Variants in KIF26B observed in about 807,000 individuals in gnomAD.
KIF26B encodes kinesin family member 26B, also known as kinesin-like protein KIF26B.
Under a neutral mutation model 151.2 loss-of-function variants are expected in KIF26B, and 63 were observed. That is an observed-to-expected ratio of 0.42 (90% CI 0.34 to 0.51). The LOEUF (loss-of-function observed/expected upper bound fraction) is 0.51. Among genes scored for constraint, KIF26B ranks in the 20% least tolerant of loss-of-function variants. The probability of loss-of-function intolerance (pLI) is 0.07; values close to 1 mark genes in which losing one functional copy is unlikely to be tolerated. For missense variants in KIF26B, 2,813 were observed against 2,913.6 expected (o/e 0.97, Z 0.79); for synonymous variants, 1,357 against 1,262.1 (o/e 1.08, Z -1.59).
chr1:245,542,971 G>A (rs566491553), intron 5 of KIF26B, among the ~76,000 whole-genome samples: 66 of 152,274 alleles, frequency 4.3e-4, no homozygotes, highest in African/African-American at 1.6e-3. Flanking sequence ...TCCTTGAAAA[G>A]GTGCCAGATG....
rs146425861 is a variant in KIF26B at position 245,488,192 on chromosome 1, G to T, written c.1167-52575G>T. On this transcript the variant is annotated intron_variant, in intron 4 of 14. Coordinates refer to ENST00000407071, the MANE Select transcript of KIF26B (RefSeq NM_018012.4). The surrounding 1 kb of genome is among the most constrained non-coding windows in gnomAD (Gnocchi z 4.6). The stretch of plus-strand genomic sequence containing the variant: ...CCATCTTGGCCTCCCAAAGCACTGA[G>T]ATTACCAGCGTGAGCCACCACACTG... Among the ~76,000 whole-genome samples, 2 of 152,106 alleles carry T rather than the reference G, an allele frequency of 1.3e-5. No individual in the cohort carries two copies. Among genetic ancestry groups the T allele is most frequent in the Non-Finnish European group, 2.9e-5 (2 of 68,026 alleles).
intron 3 of KIF26B, among the ~76,000 whole-genome samples, chr1:245,388,815 C>T (rs975170878): frequency 1.3e-5 from 2 of 152,188 alleles, no homozygotes; most frequent in African/African-American, 2.4e-5. Flanking sequence ...TGGGTTGTTT[C>T]TGAACACTGG....
intron 4 of KIF26B, among the ~76,000 whole-genome samples, chr1:245,424,559 T>C: frequency 6.6e-6 from 1 of 152,236 alleles, no homozygotes; most frequent in Admixed American, 6.5e-5. Flanking sequence ...GTGAACCTTG[T>C]TACATTTCAA....
At chr1:245,683,639 T>C (rs940155517) in intron 10 of KIF26B, among the ~76,000 whole-genome samples, 5 of 152,168 alleles carry the variant, frequency 3.3e-5, no homozygotes, top group Non-Finnish European at 7.3e-5. Context: ...TCTCTCTGTG[T>C]TTCTCCCCTA....
At chr1:245,392,225 C>G (rs1413311981) in intron 3 of KIF26B, among the ~76,000 whole-genome samples, 1 of 152,194 alleles carries the variant, frequency 6.6e-6, no homozygotes, top group African/African-American at 2.4e-5. Flanking sequence ...TTCGCCACCA[C>G]CCACCCCAAT....
At chr1:245,435,579 G>A (rs1200064476) in intron 4 of KIF26B, among the ~76,000 whole-genome samples, 4 of 152,140 alleles carry the variant, frequency 2.6e-5, no homozygotes, top group Non-Finnish European at 2.9e-5. Flanking sequence ...CCAGGCTGGC[G>A]CATGATAAAC....
At chr1:245,339,421 C>T (rs183705776) in intron 2 of KIF26B, among the ~76,000 whole-genome samples, 2 of 152,300 alleles carry the variant, frequency 1.3e-5, no homozygotes, top group South Asian at 2.1e-4. Context: ...CTTTGATAGC[C>T]TCCTTGCACA....
rs1312718651 is a variant in KIF26B, at chr1:245,607,632, C to A, written c.1558-19C>A. The A allele has an allele frequency of 6.3e-7, 1 of 1,591,416 alleles. No individual in the cohort carries two copies. Among genetic ancestry groups the A allele is most frequent in the Non-Finnish European group, 8.6e-7 (1 of 1,168,050 alleles). ...TGCGAGGTCCATTCACGGCTCGTGT[C>A]TCCTCTTGTGTCTGACAGGCTGAAG... On this transcript the variant is annotated intron_variant, in intron 6 of 14. Coordinates refer to ENST00000407071, the MANE Select transcript of KIF26B (RefSeq NM_018012.4).
intron 5 of KIF26B, among the ~76,000 whole-genome samples, chr1:245,550,273 G>C (rs1661847246): frequency 6.6e-6 from 1 of 152,256 alleles, no homozygotes; most frequent in African/African-American, 2.4e-5. Context: ...TGTTCCAGCT[G>C]TAGCTAATAA....
intron 10 of KIF26B, among the ~76,000 whole-genome samples, chr1:245,660,722 G>A (rs1421446800): frequency 6.6e-6 from 1 of 152,134 alleles, no homozygotes; most frequent in Non-Finnish European, 1.5e-5. Flanking sequence ...AAGCACCTAC[G>A]TTGCTCTCTA....
chr1:245,235,958 C>G (rs1035371376), intron 2 of KIF26B, among the ~76,000 whole-genome samples: 5 of 145,246 alleles, frequency 3.4e-5, no homozygotes, highest in African/African-American at 1.3e-4. Flanking sequence ...GAGACAGAGT[C>G]TCGCTCTGTC....
At chr1:245,174,029 A>G (rs182576599) in intron 2 of KIF26B, among the ~76,000 whole-genome samples, 1 of 152,244 alleles carries the variant, frequency 6.6e-6, no homozygotes, top group South Asian at 2.1e-4. Flanking sequence ...TGAGAGCAGC[A>G]CATTAAATGG....
At chr1:245,496,557 A>T (rs1660517313) in intron 4 of KIF26B, among the ~76,000 whole-genome samples, 1 of 152,194 alleles carries the variant, frequency 6.6e-6, no homozygotes, top group African/African-American at 2.4e-5. Context: ...CAACTAGTAA[A>T]ATAATGCATA....
chr1:245,701,211 T>A (rs2044767467), intron 14 of KIF26B, among the ~76,000 whole-genome samples: 1 of 152,212 alleles, frequency 6.6e-6, no homozygotes, highest in Non-Finnish European at 1.5e-5. Flanking sequence ...AAATATATAT[T>A]GTTTCTTGAA....
At position 245,474,003 on chromosome 1, in the gene KIF26B, C is replaced by T. The variant is rs565728668; in HGVS notation, c.1166+54258C>T. Among the ~76,000 whole-genome samples, 9 of 151,804 alleles carry T rather than the reference C, an allele frequency of 5.9e-5. 1 individual carries two copies. Among genetic ancestry groups the T allele is most frequent in the Non-Finnish European group, 8.8e-5 (6 of 67,820 alleles). ...ATACCCATTACCTTAAATATTTCCC[C>T]TTTCTTTATGCTAGAAACATTTGAG... On this transcript the variant is annotated intron_variant, in intron 4 of 14. Transcript: ENST00000407071.
intron 3 of KIF26B, among the ~76,000 whole-genome samples, chr1:245,391,487 G>A (rs1000900006): frequency 3.9e-5 from 6 of 151,952 alleles, no homozygotes; most frequent in African/African-American, 1.5e-4. Context: ...AATAATATAA[G>A]CAACTCATTA....
chr1:245,207,688 T>C (rs191355682), intron 2 of KIF26B, among the ~76,000 whole-genome samples: 498 of 152,306 alleles, frequency 3.3e-3, no homozygotes, highest in Non-Finnish European at 5.5e-3. Flanking sequence ...ATGGTCTACA[T>C]TGAAGGCCTG....
rs541177338 is a variant in KIF26B at position 245,532,864 on chromosome 1, A to G, written c.1167-7903A>G. ...TTAGAAAATACAAAGGTGAAGGTGGATGCTCTTATTCCCGATACGGAGAAG... is the reference window on the plus strand; with the variant it reads ...TTAGAAAATACAAAGGTGAAGGTGGGTGCTCTTATTCCCGATACGGAGAAG... On this transcript the variant is annotated intron_variant, in intron 4 of 14. Coordinates refer to ENST00000407071, the MANE Select transcript of KIF26B (RefSeq NM_018012.4). Among the ~76,000 whole-genome samples the G allele has an allele frequency of 2.0e-5, 3 of 152,304 alleles. No homozygotes were observed. In the East Asian group the frequency reaches 5.8e-4, roughly 29 times the overall value.
Position 245,688,347 on chromosome 1 carries a change from C to T in KIF26B, c.5364C>T (p.Ser1788=), listed in dbSNP as rs759317803. 5.7e-6 allele frequency: 9 copies of T among 1,580,654 alleles called. No individual in the cohort carries two copies. The East Asian group carries it at 2.1e-4, about 36-fold the overall frequency. ...CGCCCTGGTCCACGCAGTCCCTCAGCAGGAACAGGAGCTCGGGCCTGGCCT... is the reference window on the plus strand; with the variant it reads ...CGCCCTGGTCCACGCAGTCCCTCAGTAGGAACAGGAGCTCGGGCCTGGCCT... The part of the protein sequence containing the change: ...KHTPWSTQSL[S]RNRSSGLASK... Residue 1788 remains serine, a synonymous_variant, in exon 12 of 15, where the codon AGC becomes AGT. Transcript: ENST00000407071.
Sources: gnomAD v4.1 joint callset for allele counts (sites outside exome capture counted in the v4.1 genomes callset) on GRCh38, gnomAD v4.1.1 for gene constraint, Gnocchi (gnomAD v3.1) non-coding constraint, MANE v1.5 for transcripts, NCBI Gene and HGNC (gene_info 2026-07-23, HGNC 2026-07-21) for gene names.